The following PRKCA variants were observed in gnomAD, a reference collection of about 807,000 sequenced individuals.
The protein encoded by PRKCA is protein kinase C alpha.
A neutral mutation model predicts 87.0 loss-of-function variants in PRKCA; 27 were observed. That is an observed-to-expected ratio of 0.31 (90% CI 0.23 to 0.43). The LOEUF (loss-of-function observed/expected upper bound fraction) is 0.43, where lower values mean the gene tolerates loss of function less well. Ranked by LOEUF, PRKCA falls within the 20% of genes least tolerant of loss-of-function variation. The probability of loss-of-function intolerance (pLI) is 1.00; values close to 1 mark genes in which losing one functional copy is unlikely to be tolerated. For synonymous variants in PRKCA, 329 were observed against 311.1 expected, an observed-to-expected ratio of 1.06 and a Z score of -0.61; for missense variants, 518 against 852.3, an observed-to-expected ratio of 0.61 and a Z score of 4.88.
At chr17:66,321,281 T>C (rs375225836) in intron 2 of PRKCA, among the ~76,000 whole-genome samples, 11 of 152,156 alleles carry the variant, frequency 7.2e-5, no homozygotes, top group African/African-American at 2.6e-4. Context: ...CCTGGGGGAG[T>C]CTCTTGGACA....
intron 13 of PRKCA, among the ~76,000 whole-genome samples, chr17:66,747,292 A>G (rs527573868): frequency 1.3e-5 from 2 of 152,280 alleles, no homozygotes; most frequent in South Asian, 4.1e-4. Context: ...ACTGGACTCA[A>G]TTTCCTGGGC....
At chr17:66,765,419 T>TATATATATATATATAC (rs1974779210) in intron 13 of PRKCA, among the ~76,000 whole-genome samples, 1 of 13,124 alleles carries the variant, frequency 7.6e-5, no homozygotes, top group African/African-American at 2.7e-4. Flanking sequence ...AGACTTTGTC[T>TATATATATATATATAC]ATATATATAT....
chr17:66,360,134 C>A (rs985583154), intron 2 of PRKCA, among the ~76,000 whole-genome samples: 1 of 152,214 alleles, frequency 6.6e-6, no homozygotes, highest in East Asian at 1.9e-4. Context: ...AACTTTTCCA[C>A]TCAAACATCG....
chr17:66,564,049 T>C (rs1220642429), intron 3 of PRKCA, among the ~76,000 whole-genome samples: 1 of 150,970 alleles, frequency 6.6e-6, no homozygotes, highest in Admixed American at 6.6e-5. Flanking sequence ...TTCCTTCCTT[T>C]CTTCCTTTTC....
At chr17:66,796,536 A>G in intron 16 of PRKCA, 2 of 985,208 alleles carry the variant, frequency 2.0e-6, no homozygotes, top group Non-Finnish European at 2.4e-6. Flanking sequence ...AAATGAGCAA[A>G]CTAACCCCAC....
intron 3 of PRKCA, among the ~76,000 whole-genome samples, chr17:66,623,507 C>G (rs1378700461): frequency 6.6e-6 from 1 of 152,186 alleles, no homozygotes; most frequent in Admixed American, 6.5e-5. Flanking sequence ...GGTCTCTGAT[C>G]TCCAAGAGTG....
chr17:66,480,458 T>C (rs540588102), intron 2 of PRKCA, among the ~76,000 whole-genome samples: 3 of 152,334 alleles, frequency 2.0e-5, no homozygotes, highest in Non-Finnish European at 2.9e-5. Flanking sequence ...ATTTACATAA[T>C]AATGTGACCA....
At chr17:66,579,870 G>GT (rs1969365570) in intron 3 of PRKCA, among the ~76,000 whole-genome samples, 1 of 151,840 alleles carries the variant, frequency 6.6e-6, no homozygotes, top group Non-Finnish European at 1.5e-5. Context: ...TACACCGAAG[G>GT]TTAAAAAAAA....
In PRKCA at chr17:66,424,568, A is replaced by ACACACACACACACACACACACACAC. The variant is rs1598660738; in HGVS notation, c.206-71633_206-71632insCACACACACACACACACACACACAC. Among the ~76,000 whole-genome samples the ACACACACACACACACACACACACAC allele has an allele frequency of 3.6e-3, 512 of 142,042 alleles. 9 individuals are homozygous for ACACACACACACACACACACACACAC. Among genetic ancestry groups the ACACACACACACACACACACACACAC allele is most frequent in the African/African-American group, 0.011 (425 of 37,584 alleles). The allele number at this position is 142,042 out of a possible 152,430, so 93.2% of individuals were successfully genotyped here. A position where few individuals can be genotyped will look rare whatever the true frequency, so the allele number is the denominator to read the frequency against. On this transcript the variant is annotated intron_variant, in intron 2 of 16. Coordinates refer to ENST00000413366, the MANE Select transcript of PRKCA (RefSeq NM_002737.3). ...GGCAGCAGAGCACGACCCTGTCTCA[A>ACACACACACACACACACACACACAC]ACACACACACACACACACACACACA... is the stretch of plus-strand genomic sequence containing the variant.
At chr17:66,664,580 C>T (rs1008670858) in intron 5 of PRKCA, among the ~76,000 whole-genome samples, 4 of 148,728 alleles carry the variant, frequency 2.7e-5, no homozygotes, top group South Asian at 2.1e-4. Flanking sequence ...AAGAGAGATT[C>T]GTCATCTCAT....
At position 66,302,822 on chromosome 17, in the gene PRKCA, G is replaced by C. The variant is rs1487766669; in HGVS notation, c.-30G>C. The stretch of plus-strand genomic sequence containing the variant: ...CGGCCCTCCGCGGCCGCAGCTCCCC[G>C]GCGGAGGCAAGAGGTGGTTGGGGGG... On this transcript the variant is annotated 5_prime_UTR_variant, in exon 1 of 17. Coordinates refer to ENST00000413366, the MANE Select transcript of PRKCA (RefSeq NM_002737.3). The C allele has an allele frequency of 1.8e-6, 2 of 1,139,580 alleles. No individual in the cohort carries two copies. The highest frequency in any genetic ancestry group is 2.4e-6 in the Non-Finnish European group (2 of 847,550). 70.6% of individuals were successfully genotyped at this position (1,139,580 alleles called of 1,614,324 possible).
intron 2 of PRKCA, among the ~76,000 whole-genome samples, chr17:66,420,877 A>C (rs748577185): frequency 1.8e-4 from 27 of 152,318 alleles, no homozygotes; most frequent in Admixed American, 5.9e-4. Context: ...TGTCCCCTGC[A>C]TTCCCCTCCT....
intron 3 of PRKCA, among the ~76,000 whole-genome samples, chr17:66,624,963 G>A (rs1224748924): frequency 6.6e-6 from 1 of 152,182 alleles, no homozygotes; most frequent in Admixed American, 6.5e-5. Context: ...ATATTGAAGA[G>A]TGTGGATAAA....
At chr17:66,672,916 G>C (rs746615695) in intron 5 of PRKCA, among the ~76,000 whole-genome samples, 1 of 152,172 alleles carries the variant, frequency 6.6e-6, no homozygotes, top group Non-Finnish European at 1.5e-5. Flanking sequence ...GCCAATGTTG[G>C]TTCTCCCATG....
Position 66,437,720 on chromosome 17 carries a change from C to CT in PRKCA, c.206-58470dup, listed in dbSNP as rs567333890. 2.1e-4 allele frequency among the ~76,000 whole-genome samples: 7 copies of CT among 32,834 alleles called. 2 individuals are homozygous for CT. In the South Asian group the frequency reaches 0.012, roughly 56 times the overall value. 21.5% of individuals were successfully genotyped at this position (32,834 alleles called of 152,430 possible). On this transcript the variant is annotated intron_variant, in intron 2 of 16. Coordinates refer to ENST00000413366, the MANE Select transcript of PRKCA (RefSeq NM_002737.3). ...CAACTGGGTAGTTGTTTCAAGTTTC[C>CT]TTTTTTTTTTTGAGCGGGGGGTGGG...
chr17:66,710,270 G>A (rs937657879), intron 8 of PRKCA, among the ~76,000 whole-genome samples: 10 of 152,104 alleles, frequency 6.6e-5, no homozygotes, highest in Non-Finnish European at 1.0e-4. Context: ...TGACCCTGGT[G>A]CTGTGTCTCG....
intron 2 of PRKCA, among the ~76,000 whole-genome samples, chr17:66,399,187 C>G (rs1910873106): frequency 6.6e-6 from 1 of 150,684 alleles, no homozygotes; most frequent in South Asian, 2.1e-4. Flanking sequence ...TACCCTCAAC[C>G]TCCTGGGCTC....
In PRKCA at chr17:66,544,459, A is replaced by G. The variant is rs1289690568; in HGVS notation, c.288+48176A>G. 2.6e-5 allele frequency among the ~76,000 whole-genome samples: 4 copies of G among 152,206 alleles called. No individual in the cohort carries two copies. The East Asian group carries it at 7.7e-4, about 29-fold the overall frequency. Reference sequence around the variant, plus strand: ...ATGCTGGTTTAAAAAAGAAAAGACTAAAAACAAGCCTTAGTACATAAAAAG... The same window carrying G: ...ATGCTGGTTTAAAAAAGAAAAGACTGAAAACAAGCCTTAGTACATAAAAAG... On this transcript the variant is annotated intron_variant, in intron 3 of 16. Coordinates refer to ENST00000413366, the MANE Select transcript of PRKCA (RefSeq NM_002737.3).
intron 2 of PRKCA, among the ~76,000 whole-genome samples, chr17:66,441,013 T>A (rs985597741): frequency 1.9e-4 from 29 of 151,600 alleles, no homozygotes; most frequent in African/African-American, 6.8e-4. Context: ...ATACAAAAAA[T>A]TAGCCGGGCG....
Sources: gnomAD v4.1 joint callset for allele counts (sites outside exome capture counted in the v4.1 genomes callset) on GRCh38, gnomAD v4.1.1 for gene constraint, MANE v1.5 for transcripts, NCBI Gene and HGNC (gene_info 2026-07-23, HGNC 2026-07-21) for gene names.